GPR146: variants seen among roughly 807,000 people sequenced by gnomAD.
GPR146 encodes the protein G-protein coupled receptor 146.
For missense variants in GPR146, 381 were observed against 213.9 expected (o/e 1.78, Z -4.87); for synonymous variants, 203 against 104.3 (o/e 1.95, Z -5.77).
At chr7:1,054,302 C>T (rs1783491344) in intron 1 of GPR146, among the ~76,000 whole-genome samples, 1 of 152,200 alleles carries the variant, frequency 6.6e-6, no homozygotes, top group Non-Finnish European at 1.5e-5. Flanking sequence ...AAACAGAAAC[C>T]ATCCTCATCA....
In GPR146 at chr7:1,057,505, C is replaced by T. The variant is rs768308726; in HGVS notation, c.-11C>T. On this transcript the variant is annotated 5_prime_UTR_variant, in exon 2 of 2. Coordinates refer to ENST00000444847, the MANE Select transcript of GPR146 (RefSeq NM_001303473.2). ...TTCTTTCCGCAGGGTCGCGGAGCCTCGCCGGCCGCCATGTGGAGCTGCAGC... is the reference window on the plus strand; with the variant it reads ...TTCTTTCCGCAGGGTCGCGGAGCCTTGCCGGCCGCCATGTGGAGCTGCAGC... 13 of 758,768 alleles carry T rather than the reference C, an allele frequency of 1.7e-5. No homozygotes were observed. The highest frequency in any genetic ancestry group is 6.8e-5 in the African/African-American group (4 of 58,958). The allele number at this position is 758,768 out of a possible 1,614,324, so 47.0% of individuals were successfully genotyped here.
chr7:1,054,428 A>G (rs1783507934), intron 1 of GPR146, among the ~76,000 whole-genome samples: 1 of 152,176 alleles, frequency 6.6e-6, no homozygotes, highest in Non-Finnish European at 1.5e-5. Context: ...TTCCACCTGA[A>G]CCCCACCTGG....
At chr7:1,046,226 T>G (rs980711391) in intron 1 of GPR146, among the ~76,000 whole-genome samples, 3 of 152,174 alleles carry the variant, frequency 2.0e-5, no homozygotes, top group South Asian at 2.1e-4. Context: ...TCACAGCCCC[T>G]AGGATGTCAC....
At chr7:1,055,263 G>C in intron 1 of GPR146, 1 of 471,178 alleles carries the variant, frequency 2.1e-6, no homozygotes, top group South Asian at 1.5e-5. Context: ...GAGGCCCTGC[G>C]GGGAACTTAC....
At chr7:1,045,089 C>T (rs1782455423) in intron 1 of GPR146, among the ~76,000 whole-genome samples, 1 of 152,226 alleles carries the variant, frequency 6.6e-6, no homozygotes, top group East Asian at 1.9e-4. Flanking sequence ...TGTCAGTTGT[C>T]TTGGACAGTT....
intron 1 of GPR146, among the ~76,000 whole-genome samples, 192 bp from the exon 2 acceptor site, chr7:1,057,300 C>A (rs1783909818): frequency 6.6e-6 from 1 of 152,182 alleles, no homozygotes; most frequent in Non-Finnish European, 1.5e-5. Context: ...CCACAGCAGC[C>A]CCCGGTCACG....
At chr7:1,049,995 C>G (rs1275782209) in intron 1 of GPR146, among the ~76,000 whole-genome samples, 1 of 152,226 alleles carries the variant, frequency 6.6e-6, no homozygotes, top group East Asian at 1.9e-4. Flanking sequence ...TGTCGGCCCC[C>G]AAAGCTCAGG....
chr7:1,054,645 T>C (rs1279201115), intron 1 of GPR146, among the ~76,000 whole-genome samples: 1 of 152,118 alleles, frequency 6.6e-6, no homozygotes, highest in Non-Finnish European at 1.5e-5. Flanking sequence ...GCATTAGCAG[T>C]CCAGGCAGCT....
rs536261071 is a variant in GPR146, at chr7:1,053,507, G to T, written c.-24-3985G>T. Reference sequence around the variant, plus strand: ...GGCCCTGGCACGCTGTGGTTCTGTGGGTGCCCCCTGCAGCTCCCAGCCTTC... The same window carrying T: ...GGCCCTGGCACGCTGTGGTTCTGTGTGTGCCCCCTGCAGCTCCCAGCCTTC... On this transcript the variant is annotated intron_variant, in intron 1 of 1. Transcript: ENST00000444847. Among the ~76,000 whole-genome samples, 55 of 152,312 alleles carry T rather than the reference G, an allele frequency of 3.6e-4. No homozygotes were observed. The South Asian group carries it at 0.011, about 32-fold the overall frequency.
At chr7:1,054,512 C>T (rs910294147) in intron 1 of GPR146, among the ~76,000 whole-genome samples, 5 of 152,226 alleles carry the variant, frequency 3.3e-5, no homozygotes, top group Non-Finnish European at 7.3e-5. Flanking sequence ...GTGGGACGCA[C>T]GTGAGCGCAG....
Position 1,046,354 on chromosome 7 carries a change from G to A in GPR146, c.-25+1696G>A, listed in dbSNP as rs73048369. Reference sequence around the variant, plus strand: ...ACCCGGCCGACCGTGTCATGCACACGACGATCCCACGGTGCTGTTTTCTGT... The same window carrying A: ...ACCCGGCCGACCGTGTCATGCACACAACGATCCCACGGTGCTGTTTTCTGT... On this transcript the variant is annotated intron_variant, in intron 1 of 1. Coordinates refer to ENST00000444847, the MANE Select transcript of GPR146 (RefSeq NM_001303473.2). Among the ~76,000 whole-genome samples the A allele has an allele frequency of 4.1e-3, 620 of 152,300 alleles. 1 individual carries two copies. The highest frequency in any genetic ancestry group is 0.017 in the Middle Eastern group (5 of 294).
chr7:1,049,326 C>T (rs990352285), intron 1 of GPR146, among the ~76,000 whole-genome samples: 1 of 152,226 alleles, frequency 6.6e-6, no homozygotes, highest in African/African-American at 2.4e-5. Flanking sequence ...CAGGCCAGGG[C>T]TGGTAACAGG....
intron 1 of GPR146, among the ~76,000 whole-genome samples, chr7:1,053,478 G>C (rs996621535): frequency 6.6e-6 from 1 of 152,208 alleles, no homozygotes; most frequent in African/African-American, 2.4e-5. Flanking sequence ...CACATGACTC[G>C]CCAGGCCCTG....
intron 1 of GPR146, among the ~76,000 whole-genome samples, chr7:1,053,722 G>A (rs974726246): frequency 6.6e-6 from 1 of 152,228 alleles, no homozygotes; most frequent in African/African-American, 2.4e-5. Context: ...AGCTATTCGG[G>A]AGGCTGAGGC....
Position 1,058,329 on chromosome 7 carries a change from G to C in GPR146, c.814G>C (p.Gly272Arg), listed in dbSNP as rs1162286967. 2 of 777,568 alleles carry C rather than the reference G, an allele frequency of 2.6e-6. No homozygotes were observed. Among genetic ancestry groups the C allele is most frequent in the South Asian group, 2.7e-5 (2 of 74,624 alleles). The allele number at this position is 777,568 out of a possible 1,614,324, so 48.2% of individuals were successfully genotyped here. Residue 272 changes from glycine (G) to arginine (R), a missense_variant, in exon 2 of 2, where the codon GGG (glycine) becomes CGG (arginine). Physicochemically the swap from Gly to Arg is moderately radical, Grantham distance 125. Coordinates refer to ENST00000444847, the MANE Select transcript of GPR146 (RefSeq NM_001303473.2). ...GAAGCCCGTGGACGCACACTACCTG[G>C]GGCTACTGCACTTTGTGAAGGATTT... is the stretch of plus-strand genomic sequence containing the variant. The part of the protein sequence containing the change: ...RGKPVDAHYL[G>R]LLHFVKDFSK...
rs1784151423 is a variant in GPR146, at chr7:1,058,728, G to C, written c.*211G>C. ...GGCATCTGGCTTGAGTCTCCCCGAG[G>C]CCTGTGCGTCTCCCAAACACGCAGC... is the stretch of plus-strand genomic sequence containing the variant. On this transcript the variant is annotated 3_prime_UTR_variant, in exon 2 of 2. Transcript: ENST00000444847. 1.7e-6 allele frequency: 1 copy of C among 587,638 alleles called. No individual in the cohort carries two copies. The highest frequency in any genetic ancestry group is 3.1e-6 in the Non-Finnish European group (1 of 323,054). 36.4% of individuals were successfully genotyped at this position (587,638 alleles called of 1,614,324 possible). A position where few individuals can be genotyped will look rare whatever the true frequency, so the allele number is the denominator to read the frequency against.
At chr7:1,053,435 C>T (rs1783359164) in intron 1 of GPR146, among the ~76,000 whole-genome samples, 1 of 152,216 alleles carries the variant, frequency 6.6e-6, no homozygotes. Flanking sequence ...CGTCACGAGT[C>T]TCCTGTGACC....
At chr7:1,053,214 C>G (rs943583636) in intron 1 of GPR146, among the ~76,000 whole-genome samples, 1 of 152,254 alleles carries the variant, frequency 6.6e-6, no homozygotes, top group Non-Finnish European at 1.5e-5. Flanking sequence ...CTCCACCCGC[C>G]TGGGCCAGGC....
At chr7:1,054,408 C>A (rs986385872) in intron 1 of GPR146, among the ~76,000 whole-genome samples, 1 of 152,248 alleles carries the variant, frequency 6.6e-6, no homozygotes, top group African/African-American at 2.4e-5. Flanking sequence ...AAAATGCACA[C>A]AGGAGAACTT....
Sources: gnomAD v4.1 joint callset for allele counts (sites outside exome capture counted in the v4.1 genomes callset) on GRCh38, gnomAD v4.1.1 for gene constraint, MANE v1.5 for transcripts, NCBI Gene and HGNC (gene_info 2026-07-23, HGNC 2026-07-21) for gene names.